Variants in ARL13B observed in about 807,000 individuals in gnomAD.
ARL13B encodes the protein ARF like GTPase 13B, also known as ADP-ribosylation factor-like protein 13B.
A neutral mutation model predicts 56.1 loss-of-function variants in ARL13B; 36 were observed. The observed-to-expected ratio is 0.64, with a 90% CI of 0.49 to 0.85. The LOEUF (loss-of-function observed/expected upper bound fraction) is 0.85. Ranked by LOEUF, ARL13B falls within the 40% of genes least tolerant of loss-of-function variation. ARL13B has a pLI of 0.00. For synonymous variants in ARL13B, 178 were observed against 171.1 expected, an observed-to-expected ratio of 1.04 and a Z score of -0.32; for missense variants, 519 against 507.1, an observed-to-expected ratio of 1.02 and a Z score of -0.23.
In ARL13B at chr3:94,050,785, G is replaced by C. The variant is rs756855876; in HGVS notation, c.1142-39G>C. ...CTCTCAACAGACCTAAAGAAACCTT[G>C]TTTAACAGTGTTTTTTAAATGTTTT... On this transcript the variant is annotated intron_variant, in intron 8 of 9. Transcript: ENST00000394222. 3 of 1,574,024 alleles carry C rather than the reference G, an allele frequency of 1.9e-6. No homozygotes were observed. In the African/African-American group the frequency reaches 4.0e-5, roughly 21 times the overall value.
intron 7 of ARL13B, among the ~76,000 whole-genome samples, chr3:94,048,979 C>T (rs1185154587): frequency 6.6e-6 from 1 of 152,112 alleles, no homozygotes; most frequent in South Asian, 2.1e-4. Context: ...TATATTTGGG[C>T]TATTTATACC....
intron 3 of ARL13B, among the ~76,000 whole-genome samples, chr3:94,023,545 T>C (rs1435607871): frequency 2.0e-5 from 3 of 152,158 alleles, no homozygotes; most frequent in African/African-American, 7.2e-5. Flanking sequence ...CTTTGTATTA[T>C]TTTCATGGCC....
Position 94,054,019 on chromosome 3 carries a change from C to T in ARL13B, c.*756C>T. On this transcript the variant is annotated 3_prime_UTR_variant, in exon 10 of 10. Coordinates refer to ENST00000394222, the MANE Select transcript of ARL13B (RefSeq NM_001174150.2). ...ATGAGACTGGAAATACCTTTTGTAC[C>T]TAAATGTTTTTTAAATTAATCAAAA... 1 of 427,538 alleles carries T rather than the reference C, an allele frequency of 2.3e-6. No individual in the cohort carries two copies. Among genetic ancestry groups the T allele is most frequent in the Non-Finnish European group, 4.7e-6 (1 of 214,884 alleles). 26.5% of individuals were successfully genotyped at this position (427,538 alleles called of 1,614,324 possible). A position where few individuals can be genotyped will look rare whatever the true frequency, so the allele number is the denominator to read the frequency against.
Position 94,043,217 on chromosome 3 carries a change from CAG to C in ARL13B, c.1003_1004del (p.Asp335ProfsTer8). ...CAGCAGTTAAAGAATGAAGATGAGA[CAG>C]ACCGGCCATCATTGGAATCAGGTAA... is the stretch of plus-strand genomic sequence containing the variant. On this transcript the variant is annotated frameshift_variant, in exon 7 of 10. Transcript: ENST00000394222. LOFTEE classifies it high-confidence loss of function. The C allele has an allele frequency of 1.2e-6, 2 of 1,613,094 alleles. No homozygotes were observed. The highest frequency in any genetic ancestry group is 4.5e-5 in the East Asian group (2 of 44,786).
Position 94,017,206 on chromosome 3 carries a change from A to G in ARL13B, c.380+13298A>G, listed in dbSNP as rs574319679. 3.9e-5 allele frequency among the ~76,000 whole-genome samples: 6 copies of G among 152,214 alleles called. No individual in the cohort carries two copies. In the South Asian group the frequency reaches 1.0e-3, roughly 26 times the overall value. ...AAATAAATGGTAATATTTGTCCTGT[A>G]AAAGAGAAGATGTAGGGTGTGTATA... is the stretch of plus-strand genomic sequence containing the variant. On this transcript the variant is annotated intron_variant, in intron 3 of 9. Coordinates refer to ENST00000394222, the MANE Select transcript of ARL13B (RefSeq NM_001174150.2).
rs759172295 is a variant in ARL13B at position 94,053,507 on chromosome 3, T to C, written c.*244T>C. On this transcript the variant is annotated 3_prime_UTR_variant, in exon 10 of 10. Coordinates refer to ENST00000394222, the MANE Select transcript of ARL13B (RefSeq NM_001174150.2). ...CAGCATTTGGACCAAATTAGCAAGA[T>C]TTACTGTTGACTCTGGTTTATACAT... is the stretch of plus-strand genomic sequence containing the variant. 1 of 623,440 alleles carries C rather than the reference T, an allele frequency of 1.6e-6. No homozygotes were observed. The highest frequency in any genetic ancestry group is 1.5e-5 in the South Asian group (1 of 66,028). The allele number at this position is 623,440 out of a possible 1,614,324, so 38.6% of individuals were successfully genotyped here. A position where few individuals can be genotyped will look rare whatever the true frequency, so the allele number is the denominator to read the frequency against.
intron 3 of ARL13B, among the ~76,000 whole-genome samples, chr3:94,005,172 A>G (rs561574108): frequency 7.5e-4 from 114 of 152,262 alleles, no homozygotes; most frequent in African/African-American, 2.7e-3. Context: ...AAGGGTTGGG[A>G]AAGTGTTTGG....
chr3:94,023,118 C>T (rs2076484456), intron 3 of ARL13B, among the ~76,000 whole-genome samples: 3 of 151,558 alleles, frequency 2.0e-5, no homozygotes. Flanking sequence ...GGGAGTGTAC[C>T]ATAGCTCCTT....
At position 94,055,358 on chromosome 3, in the gene ARL13B, A is replaced by T. The variant is rs891451589; in HGVS notation, c.*2095A>T. 4 of 439,540 alleles carry T rather than the reference A, an allele frequency of 9.1e-6. No individual in the cohort carries two copies. Among genetic ancestry groups the T allele is most frequent in the African/African-American group, 8.1e-5 (4 of 49,470 alleles). 27.2% of individuals were successfully genotyped at this position (439,540 alleles called of 1,614,324 possible). The stretch of plus-strand genomic sequence containing the variant: ...AAATAGGTAAAGATTTTAAAATATG[A>T]TTATTGAAAAACAGTTTAAATCAGT... On this transcript the variant is annotated 3_prime_UTR_variant, in exon 10 of 10. Coordinates refer to ENST00000394222, the MANE Select transcript of ARL13B (RefSeq NM_001174150.2).
In ARL13B at chr3:94,003,683, C is replaced by T. The variant is rs1290248381; in HGVS notation, c.155C>T (p.Thr52Ile). The T allele has an allele frequency of 6.2e-7, 1 of 1,613,370 alleles. No individual in the cohort carries two copies. Among genetic ancestry groups the T allele is most frequent in the South Asian group, 1.1e-5 (1 of 91,026 alleles). ...QGEYPEDVAPTVGFSKINLRQ... is the reference protein window; with the variant it reads ...QGEYPEDVAPIVGFSKINLRQ... The stretch of plus-strand genomic sequence containing the variant: ...GAATACCCTGAAGATGTAGCTCCTA[C>T]TGTTGGATTTTCAAAAATTAACCTT... Residue 52 changes from threonine to isoleucine, a missense_variant, in exon 3 of 10, where the codon ACT (threonine) becomes ATT (isoleucine). Transcript: ENST00000394222.
Position 93,980,472 on chromosome 3 carries a change from G to C in ARL13B, c.49G>C (p.Glu17Gln). The change falls in exon 1 of 10, where the codon GAG becomes CAG. Residue 17 changes from glutamate (E) to glutamine (Q), a missense_variant. Physicochemically the swap from Glu to Gln is conservative, Grantham distance 29. Coordinates refer to ENST00000394222, the MANE Select transcript of ARL13B (RefSeq NM_001174150.2). ...SCCGWFKRWR[E>Q]PVRKVTLLMV... is the part of the protein sequence containing the mutation. The stretch of plus-strand genomic sequence containing the variant: ...CTGCGGCTGGTTCAAGCGGTGGCGG[G>C]AGCCTGTCAGGTAGGCTGGAGCCAG... The C allele has an allele frequency of 6.2e-7, 1 of 1,611,506 alleles. No homozygotes were observed. The highest frequency in any genetic ancestry group is 2.2e-5 in the East Asian group (1 of 44,850).
At chr3:93,985,790 G>A (rs905419764) in intron 1 of ARL13B, among the ~76,000 whole-genome samples, 10 of 152,020 alleles carry the variant, frequency 6.6e-5, no homozygotes, top group Admixed American at 2.0e-4. Flanking sequence ...CTGATTTCTT[G>A]TCCATCTGTG....
intron 1 of ARL13B, among the ~76,000 whole-genome samples, chr3:93,985,228 C>T (rs566733970): frequency 2.0e-5 from 3 of 152,260 alleles, no homozygotes; most frequent in South Asian, 4.1e-4. Flanking sequence ...ATCCTGAGTA[C>T]AGGACACAAG....
intron 7 of ARL13B, among the ~76,000 whole-genome samples, chr3:94,046,244 T>G (rs2076982620): frequency 6.6e-6 from 1 of 151,148 alleles, no homozygotes; most frequent in African/African-American, 2.4e-5. Flanking sequence ...CCCCAAAAGT[T>G]TCTTCATGTC....
intron 3 of ARL13B, chr3:94,014,482 T>C: frequency 1.2e-6 from 2 of 1,609,400 alleles, no homozygotes; most frequent in South Asian, 1.1e-5. Context: ...CTCTTTAGTA[T>C]TGTTAACATA....
chr3:94,016,911 C>T (rs1215246346), intron 3 of ARL13B, among the ~76,000 whole-genome samples: 1 of 152,156 alleles, frequency 6.6e-6, no homozygotes, highest in Non-Finnish European at 1.5e-5. Flanking sequence ...TCCCAAAGTG[C>T]TGGGATTACA....
chr3:93,986,926 C>T lies in ARL13B; in HGVS notation c.59+6444C>T, dbSNP rs188338521. Among the ~76,000 whole-genome samples the T allele has an allele frequency of 1.1e-4, 17 of 151,534 alleles. No individual in the cohort carries two copies. In the East Asian group the frequency reaches 2.5e-3, roughly 23 times the overall value. On this transcript the variant is annotated intron_variant, in intron 1 of 9. Coordinates refer to ENST00000394222, the MANE Select transcript of ARL13B (RefSeq NM_001174150.2). The stretch of plus-strand genomic sequence containing the variant: ...CAGAGGTTGCAGTGAGTGGAGATCT[C>T]GCCACTGCACACTCCAGCCTGGGTG...
intron 1 of ARL13B, chr3:93,988,646 C>T: frequency 2.0e-6 from 1 of 496,768 alleles, no homozygotes; most frequent in Non-Finnish European, 4.0e-6. Context: ...TCAGACTTGG[C>T]TTCTTTCTCT....
At chr3:94,025,449 A>G (rs923494066) in intron 3 of ARL13B, among the ~76,000 whole-genome samples, 2 of 152,182 alleles carry the variant, frequency 1.3e-5, no homozygotes, top group Admixed American at 1.3e-4. Flanking sequence ...TCTTTTGAAC[A>G]TTTAGAGAAT....
Sources: allele counts gnomAD v4.1 joint callset (sites outside exome capture counted in the v4.1 genomes callset), GRCh38; gene constraint gnomAD v4.1.1; transcripts MANE v1.5; gene names NCBI Gene and HGNC (gene_info 2026-07-23, HGNC 2026-07-21).